Variants in SH3GL2 observed in about 807,000 individuals in gnomAD.
SH3GL2 encodes SH3 domain containing GRB2 like 2, endophilin A1, also known as endophilin-A1.
In SH3GL2, 24 loss-of-function variants were observed where a neutral mutation model predicts 46.0. The ratio of observed to expected loss-of-function variants is 0.52; its 90% CI spans 0.38 to 0.73. The LOEUF (loss-of-function observed/expected upper bound fraction) is 0.73, where lower values mean the gene tolerates loss of function less well. SH3GL2 is among the 30% of genes least tolerant of loss of function. The pLI, the probability that SH3GL2 is intolerant of heterozygous loss-of-function variation, is 0.00. For missense variants in SH3GL2, 413 were observed against 424.2 expected (o/e 0.97, Z 0.23); for synonymous variants, 196 against 147.1 (o/e 1.33, Z -2.40).
chr9:17,699,475 A>G (rs1185029115), intron 1 of SH3GL2, among the ~76,000 whole-genome samples: 4 of 152,100 alleles, frequency 2.6e-5, no homozygotes, highest in Non-Finnish European at 4.4e-5. Context: ...CCTAACCCCA[A>G]TCCCCACACG....
At chr9:17,639,627 G>A (rs560294581) in intron 1 of SH3GL2, among the ~76,000 whole-genome samples, 17 of 152,254 alleles carry the variant, frequency 1.1e-4, no homozygotes, top group African/African-American at 3.6e-4. Context: ...TAAAATTGCC[G>A]TATAATTCAG....
At chr9:17,665,389 T>C (rs1475493585) in intron 1 of SH3GL2, among the ~76,000 whole-genome samples, 1 of 152,194 alleles carries the variant, frequency 6.6e-6, no homozygotes, top group African/African-American at 2.4e-5. Context: ...TGAATCATTC[T>C]TCATCCTTTT....
chr9:17,627,138 C>G (rs1286616450), intron 1 of SH3GL2, among the ~76,000 whole-genome samples: 1 of 152,080 alleles, frequency 6.6e-6, no homozygotes, highest in African/African-American at 2.4e-5. Context: ...TGCCAGATTC[C>G]AAAGCCAGAG....
chr9:17,688,497 T>A (rs1220082576), intron 1 of SH3GL2, among the ~76,000 whole-genome samples: 1 of 152,022 alleles, frequency 6.6e-6, no homozygotes, highest in Non-Finnish European at 1.5e-5. Context: ...ACAGAGATCG[T>A]GAGCACACCT....
At chr9:17,661,687 C>CT (rs1216530250) in intron 1 of SH3GL2, among the ~76,000 whole-genome samples, 12 of 152,070 alleles carry the variant, frequency 7.9e-5, no homozygotes, top group Admixed American at 2.6e-4. Context: ...TTGATGTAAT[C>CT]TTTTTTTTAA....
At position 17,793,447 on chromosome 9, in the gene SH3GL2, G is replaced by C. The variant is rs774166488; in HGVS notation, c.809G>C (p.Ser270Thr). Residue 270 changes from serine (S) to threonine (T), a missense_variant, in exon 8 of 9, where the codon AGT becomes ACT. Physicochemically the swap from Ser to Thr is moderately conservative, Grantham distance 58 (BLOSUM62 1). This residue lies in a region of SH3GL2 where 248 missense variants were observed against 215.0 expected (regional missense o/e 1.15). Transcript: ENST00000380607. ...RMSLEFPTGD[S>T]TQPNGGLSHT... Reference sequence around the variant, plus strand: ...AGCCTGGAGTTTCCAACTGGAGACAGTACTCAGCCCAATGGGGGTCTCTCC... The same window carrying C: ...AGCCTGGAGTTTCCAACTGGAGACACTACTCAGCCCAATGGGGGTCTCTCC... 2.7e-5 allele frequency: 43 copies of C among 1,611,814 alleles called. No homozygotes were observed. In the South Asian group the frequency reaches 4.8e-4, roughly 18 times the overall value.
At chr9:17,787,956 GATGTT>G (rs1325569251) in intron 5 of SH3GL2, among the ~76,000 whole-genome samples, 1 of 152,062 alleles carries the variant, frequency 6.6e-6, no homozygotes, top group African/African-American at 2.4e-5. Context: ...AAATTAGATG[GATGTT>G]ATGTGTTTTT....
rs142148171 is a variant in SH3GL2, at chr9:17,726,164, C to T, written c.46-20902C>T. ...TCACCAGTTAAATAAATGGTGGTTG[C>T]ACCAAGAGAGGATCTGCTAATCTCA... On this transcript the variant is annotated intron_variant, in intron 1 of 8. Coordinates refer to ENST00000380607, the MANE Select transcript of SH3GL2 (RefSeq NM_003026.5). Among the ~76,000 whole-genome samples the T allele has an allele frequency of 5.3e-5, 8 of 152,236 alleles. No individual in the cohort carries two copies. The South Asian group carries it at 8.3e-4, about 16-fold the overall frequency.
chr9:17,647,159 A>G (rs933405623), intron 1 of SH3GL2, among the ~76,000 whole-genome samples: 4 of 152,350 alleles, frequency 2.6e-5, no homozygotes, highest in Non-Finnish European at 5.9e-5. Flanking sequence ...TGAAGTTAAC[A>G]GGATGCAGAT....
intron 1 of SH3GL2, among the ~76,000 whole-genome samples, chr9:17,702,378 C>G (rs1821360981): frequency 6.6e-6 from 1 of 151,808 alleles, no homozygotes; most frequent in Admixed American, 6.6e-5. Context: ...TGATCCCAAA[C>G]CCAGAAACTA....
At chr9:17,581,969 C>G (rs988402718) in intron 1 of SH3GL2, among the ~76,000 whole-genome samples, 1 of 152,204 alleles carries the variant, frequency 6.6e-6, no homozygotes, top group East Asian at 1.9e-4. Flanking sequence ...GCTGAGCCCC[C>G]GCACCTGGCC....
chr9:17,731,815 T>G (rs1822192142), intron 1 of SH3GL2, among the ~76,000 whole-genome samples: 1 of 152,092 alleles, frequency 6.6e-6, no homozygotes, highest in South Asian at 2.1e-4. Context: ...CCCTCTCTGA[T>G]TTGCATCGGT....
At chr9:17,756,957 T>A (rs1382831836) in intron 2 of SH3GL2, among the ~76,000 whole-genome samples, 2 of 152,198 alleles carry the variant, frequency 1.3e-5, no homozygotes, top group Non-Finnish European at 2.9e-5. Flanking sequence ...GTAAAAGTGT[T>A]CCTATTTCTC....
intron 1 of SH3GL2, among the ~76,000 whole-genome samples, chr9:17,691,472 G>A (rs1034257156): frequency 6.6e-6 from 1 of 151,944 alleles, no homozygotes; most frequent in Admixed American, 6.6e-5. Flanking sequence ...TAATTTTTTG[G>A]GCGGCCTACA....
chr9:17,735,469 C>T (rs1218095400), intron 1 of SH3GL2, among the ~76,000 whole-genome samples: 1 of 151,990 alleles, frequency 6.6e-6, no homozygotes, highest in East Asian at 1.9e-4. Flanking sequence ...TACAGTTGAC[C>T]CTTGAACAAT....
At chr9:17,664,330 A>G (rs116002427) in intron 1 of SH3GL2, among the ~76,000 whole-genome samples, 3 of 148,012 alleles carry the variant, frequency 2.0e-5, no homozygotes, top group African/African-American at 8.0e-5. Context: ...GTTGATGTGA[A>G]ATAAAATCAA....
At chr9:17,680,308 C>T (rs1033900033) in intron 1 of SH3GL2, among the ~76,000 whole-genome samples, 3 of 152,086 alleles carry the variant, frequency 2.0e-5, no homozygotes, top group Admixed American at 1.3e-4. Context: ...AATTTCAGAG[C>T]CTGCTATTAG....
chr9:17,761,959 C>G (rs529738855), intron 3 of SH3GL2, among the ~76,000 whole-genome samples: 9 of 152,124 alleles, frequency 5.9e-5, no homozygotes, highest in Non-Finnish European at 1.2e-4. Flanking sequence ...GTCTTCAGAG[C>G]GTTGATCTTG....
intron 1 of SH3GL2, among the ~76,000 whole-genome samples, chr9:17,744,924 G>T (rs1822636511): frequency 6.6e-6 from 1 of 152,184 alleles, no homozygotes; most frequent in Admixed American, 6.5e-5. Flanking sequence ...AGTTAAGGCA[G>T]TGGGTACACC....
Sources: allele counts gnomAD v4.1 joint callset (sites outside exome capture counted in the v4.1 genomes callset), GRCh38; gene constraint gnomAD v4.1.1; regional missense constraint gnomAD v4.1.1; transcripts MANE v1.5; gene names NCBI Gene and HGNC (gene_info 2026-07-23, HGNC 2026-07-21).